The following DARS1 variants were observed in gnomAD, a reference collection of about 807,000 sequenced individuals.
DARS1 encodes aspartate--tRNA ligase, cytoplasmic.
Under a neutral mutation model 68.8 loss-of-function variants are expected in DARS1, and 51 were observed. That is an observed-to-expected ratio of 0.74 (90% CI 0.59 to 0.94). The LOEUF (loss-of-function observed/expected upper bound fraction) is 0.94, where lower values mean the gene tolerates loss of function less well. Among genes scored for constraint, DARS1 ranks in the 40% least tolerant of loss-of-function variants. DARS1 has a pLI of 0.00. For synonymous variants in DARS1, 203 were observed against 190.4 expected, an observed-to-expected ratio of 1.07 and a Z score of -0.55; for missense variants, 607 against 597.3, an observed-to-expected ratio of 1.02 and a Z score of -0.17.
At chr2:135,984,858 C>T (rs906106868) in intron 1 of DARS1, among the ~76,000 whole-genome samples, 2 of 152,048 alleles carry the variant, frequency 1.3e-5, no homozygotes, top group Non-Finnish European at 2.9e-5. Flanking sequence ...AATGCATTCT[C>T]GGTAACTCCT....
chr2:135,953,448 T>G (rs1324288102), intron 4 of DARS1, among the ~76,000 whole-genome samples: 2 of 152,218 alleles, frequency 1.3e-5, no homozygotes, highest in Non-Finnish European at 2.9e-5. Context: ...CTTTTTTGAG[T>G]GACTTTGTGC....
intron 12 of DARS1, among the ~76,000 whole-genome samples, chr2:135,914,220 G>C (rs1408619981): frequency 6.6e-6 from 1 of 152,186 alleles, no homozygotes; most frequent in African/African-American, 2.4e-5. Flanking sequence ...ATCACTTTTA[G>C]AGACACCTCA....
chr2:135,937,384 A>G (rs939517117), intron 5 of DARS1, among the ~76,000 whole-genome samples: 7 of 152,126 alleles, frequency 4.6e-5, no homozygotes, highest in Non-Finnish European at 8.8e-5. Flanking sequence ...TAATCCTGAG[A>G]AAAAAACAGA....
chr2:135,927,326 CAT>C (rs531379132), intron 7 of DARS1, among the ~76,000 whole-genome samples: 14 of 152,144 alleles, frequency 9.2e-5, no homozygotes, highest in African/African-American at 2.4e-4. Context: ...ATGAATGCAA[CAT>C]ATGTTAATTT....
Position 135,906,659 on chromosome 2 carries a change from A to G in DARS1, c.*657T>C, listed in dbSNP as rs185748781. 146 of 152,344 alleles carry G rather than the reference A, an allele frequency of 9.6e-4. No homozygotes were observed. Among genetic ancestry groups the G allele is most frequent in the African/African-American group, 3.2e-3 (133 of 41,584 alleles). 9.4% of individuals were successfully genotyped at this position (152,344 alleles called of 1,614,324 possible). A position where few individuals can be genotyped will look rare whatever the true frequency, so the allele number is the denominator to read the frequency against. ...GCACCACTTACAAAATCAGTTGGCC[A>G]CAAAGTTACACAAAAACTACAATTA... On this transcript the variant is annotated 3_prime_UTR_variant, in exon 16 of 16. Coordinates refer to ENST00000264161, the MANE Select transcript of DARS1 (RefSeq NM_001349.4).
At chr2:135,982,567 G>A (rs1382026454) in intron 2 of DARS1, among the ~76,000 whole-genome samples, 2 of 151,142 alleles carry the variant, frequency 1.3e-5, no homozygotes, top group Non-Finnish European at 2.9e-5. Flanking sequence ...CTGCACTCCA[G>A]CCTGGGCGAC....
intron 5 of DARS1, among the ~76,000 whole-genome samples, chr2:135,939,467 C>T (rs1249570631): frequency 6.6e-6 from 1 of 152,142 alleles, no homozygotes; most frequent in Non-Finnish European, 1.5e-5. Flanking sequence ...TCAATGAGAA[C>T]AAAGACACAA....
At chr2:135,960,894 T>C (rs1386396935) in intron 4 of DARS1, among the ~76,000 whole-genome samples, 1 of 152,262 alleles carries the variant, frequency 6.6e-6, no homozygotes, top group Non-Finnish European at 1.5e-5. Flanking sequence ...TTTACCTTTT[T>C]TCTCCTAAAC....
At chr2:135,975,311 C>T (rs1682471021) in intron 3 of DARS1, among the ~76,000 whole-genome samples, 1 of 152,108 alleles carries the variant, frequency 6.6e-6, no homozygotes, top group Admixed American at 6.5e-5. Context: ...TGCCACTGCA[C>T]TCCAGCCTGG....
chr2:135,965,919 T>C (rs1682223100), intron 3 of DARS1, among the ~76,000 whole-genome samples: 1 of 152,214 alleles, frequency 6.6e-6, no homozygotes, highest in African/African-American at 2.4e-5. Context: ...CCACTCAGAC[T>C]ACTTCTCTAT....
intron 8 of DARS1, among the ~76,000 whole-genome samples, chr2:135,923,803 A>AG (rs1234852910): frequency 1.3e-5 from 2 of 152,004 alleles, no homozygotes; most frequent in East Asian, 3.9e-4. Flanking sequence ...GGATTACCTC[A>AG]GGTTGGGAGT....
In DARS1 at chr2:135,925,432, A is replaced by C. The variant is rs577495452; in HGVS notation, c.565-934T>G. Among the ~76,000 whole-genome samples, 3 of 152,308 alleles carry C rather than the reference A, an allele frequency of 2.0e-5. No homozygotes were observed. In the South Asian group the frequency reaches 6.2e-4, roughly 32 times the overall value. ...TACGAGAATTTCAATTACTTCTCCCATATCAAAGGGCTCACCCCTTCTGCA... is the reference window on the plus strand; with the variant it reads ...TACGAGAATTTCAATTACTTCTCCCCTATCAAAGGGCTCACCCCTTCTGCA... On this transcript the variant is annotated intron_variant, in intron 7 of 15. Transcript: ENST00000264161.
At chr2:135,955,924 G>A (rs1681963322) in intron 4 of DARS1, among the ~76,000 whole-genome samples, 1 of 151,992 alleles carries the variant, frequency 6.6e-6, no homozygotes, top group Non-Finnish European at 1.5e-5. Flanking sequence ...TTCCCAAAGT[G>A]CTGGGATTAT....
chr2:135,946,494 G>C (rs1263763757), intron 4 of DARS1, among the ~76,000 whole-genome samples: 2 of 152,118 alleles, frequency 1.3e-5, no homozygotes, highest in Non-Finnish European at 2.9e-5. Context: ...AAAGAAAAAA[G>C]CAGGGAAGAA....
intron 5 of DARS1, among the ~76,000 whole-genome samples, chr2:135,938,687 A>C (rs1329922275): frequency 6.6e-6 from 1 of 152,242 alleles, no homozygotes; most frequent in Non-Finnish European, 1.5e-5. Context: ...AAATGGGCTA[A>C]TTGCTCCAAT....
rs767097006 is a variant in DARS1, at chr2:135,911,418, G to C, written c.1306C>G (p.Gln436Glu). 9.6e-7 allele frequency: 1 copy of C among 1,039,410 alleles called. No individual in the cohort carries two copies. The highest frequency in any genetic ancestry group is 1.5e-6 in the Non-Finnish European group (1 of 654,292). The allele number at this position is 1,039,410 out of a possible 1,614,324, so 64.4% of individuals were successfully genotyped here. Reference protein sequence around the residue: ...LSGAQRIHDPQLLTERALHHG... With the variant: ...LSGAQRIHDPELLTERALHHG... ...TGTAAAGCTCTCTCTGTTAGCAGTT[G>C]AGGATCATGTATTCTTTGAGCTCCT... Residue 436 changes from glutamine to glutamate, a missense_variant, in exon 14 of 16, where the codon CAA becomes GAA. By Grantham distance (29) the Gln-to-Glu change is conservative. Transcript: ENST00000264161.
At position 135,929,958 on chromosome 2, in the gene DARS1, T is replaced by A. The variant is rs1297563275; in HGVS notation, c.564+2825A>T. ...GTATGTTGTGCCTGACTGGGGGCAT[T>A]TGCCATGAATGTAATTCTTTTCTCT... On this transcript the variant is annotated intron_variant, in intron 7 of 15. Transcript: ENST00000264161. Among the ~76,000 whole-genome samples, 3 of 152,176 alleles carry A rather than the reference T, an allele frequency of 2.0e-5. No individual in the cohort carries two copies. In the East Asian group the frequency reaches 5.8e-4, roughly 29 times the overall value.
chr2:135,959,313 G>C (rs1682046050), intron 4 of DARS1, among the ~76,000 whole-genome samples: 1 of 141,462 alleles, frequency 7.1e-6, no homozygotes, highest in African/African-American at 2.6e-5. Flanking sequence ...AGAATTGCTT[G>C]AACCGGGTAG....
chr2:135,939,317 C>T (rs905993865), intron 5 of DARS1, among the ~76,000 whole-genome samples: 53 of 152,156 alleles, frequency 3.5e-4, no homozygotes, highest in African/African-American at 1.3e-3. Flanking sequence ...GTCTCTCAGA[C>T]CACACTGCAA....
Sources: gnomAD v4.1 joint callset for allele counts (sites outside exome capture counted in the v4.1 genomes callset) on GRCh38, gnomAD v4.1.1 for gene constraint, MANE v1.5 for transcripts, NCBI Gene and HGNC (gene_info 2026-07-23, HGNC 2026-07-21) for gene names.